HNRNPR: variants seen among roughly 807,000 people sequenced by gnomAD.
The protein encoded by HNRNPR is heterogeneous nuclear ribonucleoprotein R.
HNRNPR carries 4 observed loss-of-function variants against 70.3 expected under a neutral mutation model. That is an observed-to-expected ratio of 0.06 (90% confidence interval 0.03 to 0.13). The LOEUF is 0.13. HNRNPR is among the 10% of genes least tolerant of loss of function. The probability of loss-of-function intolerance (pLI) is 1.00; values close to 1 mark genes in which losing one functional copy is unlikely to be tolerated. For synonymous variants in HNRNPR, 241 were observed against 267.6 expected (o/e 0.90, Z 0.97); for missense variants, 423 against 788.5 (o/e 0.54, Z 5.55).
chr1:23,314,211 T>C (rs1467557623), intron 8 of HNRNPR, among the ~76,000 whole-genome samples: 3 of 152,110 alleles, frequency 2.0e-5, no homozygotes, highest in Non-Finnish European at 4.4e-5. Flanking sequence ...CCTTACACTA[T>C]ACACAAGGAT....
intron 8 of HNRNPR, among the ~76,000 whole-genome samples, chr1:23,317,383 A>G (rs1645586586): frequency 6.6e-6 from 1 of 151,788 alleles, no homozygotes; most frequent in African/African-American, 2.4e-5. Flanking sequence ...GCGTGAACCC[A>G]GGAGGCAGAG....
intron 5 of HNRNPR, among the ~76,000 whole-genome samples, chr1:23,326,379 T>G (rs538873953): frequency 1.3e-5 from 2 of 152,174 alleles, no homozygotes; most frequent in East Asian, 1.9e-4. Flanking sequence ...AAAAACATAC[T>G]GAGAAAAGCA....
intron 3 of HNRNPR, 71 bp from the exon 4 acceptor site, chr1:23,337,932 T>C (rs1646563621): frequency 2.2e-6 from 2 of 928,484 alleles, no homozygotes; most frequent in Non-Finnish European, 3.3e-6. Context: ...ATAATTAAAT[T>C]TAAATTTCAG....
intron 2 of HNRNPR, among the ~76,000 whole-genome samples, chr1:23,339,222 C>CA (rs1344209790): frequency 2.0e-5 from 3 of 152,238 alleles, no homozygotes; most frequent in Non-Finnish European, 4.4e-5. Flanking sequence ...TAAACTTCTA[C>CA]AAATGCAAGT....
chr1:23,331,778 G>C (rs1646235549), intron 5 of HNRNPR, among the ~76,000 whole-genome samples: 1 of 132,288 alleles, frequency 7.6e-6, no homozygotes, highest in South Asian at 2.7e-4. Flanking sequence ...TGAGGCTGCA[G>C]TGTGCTATGA....
chr1:23,330,883 A>G (rs1646193652), intron 5 of HNRNPR, among the ~76,000 whole-genome samples: 1 of 152,242 alleles, frequency 6.6e-6, no homozygotes, highest in East Asian at 1.9e-4. Context: ...GAAAGAACAT[A>G]TAAAAGAACA....
At chr1:23,326,443 G>A (rs575056767) in intron 5 of HNRNPR, among the ~76,000 whole-genome samples, 27 of 152,130 alleles carry the variant, frequency 1.8e-4, no homozygotes, top group African/African-American at 6.0e-4. Context: ...CCTCTAACTC[G>A]AGCTGTATAC....
intron 4 of HNRNPR, among the ~76,000 whole-genome samples, chr1:23,335,112 C>G (rs1203759681): frequency 8.6e-5 from 13 of 151,970 alleles, no homozygotes; most frequent in Non-Finnish European, 1.9e-4. Context: ...AGACAGGTGG[C>G]CTCACCGTTG....
intron 6 of HNRNPR, among the ~76,000 whole-genome samples, chr1:23,322,541 T>C (rs1645801399): frequency 6.6e-6 from 1 of 152,208 alleles, no homozygotes. Context: ...TGGCCAATTT[T>C]AGCTTCTTAT....
intron 10 of HNRNPR, 36 bp downstream of exon 10, chr1:23,311,165 T>C (rs113393082): frequency 1.9e-6 from 3 of 1,612,272 alleles, no homozygotes; most frequent in Non-Finnish European, 2.5e-6. Flanking sequence ...ACGTTATTCC[T>C]TGTCCAAAGA....
intron 5 of HNRNPR, among the ~76,000 whole-genome samples, chr1:23,330,917 A>C (rs1316068358): frequency 6.6e-6 from 1 of 152,228 alleles, no homozygotes; most frequent in South Asian, 2.1e-4. Context: ...ACAACATCAA[A>C]AATCACAATT....
At chr1:23,319,093 T>A (rs1207059371) in intron 7 of HNRNPR, among the ~76,000 whole-genome samples, 1 of 152,166 alleles carries the variant, frequency 6.6e-6, no homozygotes, top group Non-Finnish European at 1.5e-5. Context: ...AACTTAAAAG[T>A]TACTATTTTT....
At chr1:23,337,116 C>A (rs886885262) in intron 4 of HNRNPR, among the ~76,000 whole-genome samples, 14 of 152,246 alleles carry the variant, frequency 9.2e-5, no homozygotes, top group African/African-American at 2.6e-4. Flanking sequence ...CAAGTTATAA[C>A]CTTTTTATCA....
intron 8 of HNRNPR, 100 bp from the exon 9 acceptor site, chr1:23,313,802 A>ATT: frequency 7.7e-7 from 1 of 1,293,086 alleles, no homozygotes; most frequent in Non-Finnish European, 1.1e-6. Flanking sequence ...CCTCTAAAAC[A>ATT]TTAAGTGCTA....
chr1:23,313,424 G>C (rs937715771), intron 9 of HNRNPR, 129 bp downstream of exon 9: 8 of 653,508 alleles, frequency 1.2e-5, no homozygotes, highest in Non-Finnish European at 2.1e-5. Context: ...CCACTTTACA[G>C]AGATTAAATA....
chr1:23,328,080 G>C (rs2148417166), intron 5 of HNRNPR, among the ~76,000 whole-genome samples: 1 of 151,984 alleles, frequency 6.6e-6, no homozygotes, highest in South Asian at 2.1e-4. Flanking sequence ...AAGGCCATGA[G>C]ATGTGAGATG....
rs1413509599 is a variant in HNRNPR, at chr1:23,305,818, T to C, written c.*4636A>G. 1.3e-5 allele frequency: 2 copies of C among 152,226 alleles called. No homozygotes were observed. Among genetic ancestry groups the C allele is most frequent in the Non-Finnish European group, 2.9e-5 (2 of 68,028 alleles). 9.4% of individuals were successfully genotyped at this position (152,226 alleles called of 1,614,324 possible). On this transcript the variant is annotated 3_prime_UTR_variant, in exon 11 of 11. Coordinates refer to ENST00000302271, the MANE Select transcript of HNRNPR (RefSeq NM_005826.5). ...GTTTCTGCTATGTTCAAGGTCTTAA[T>C]ATTTCAGCTATGTAATTTCCTCTTG... is the stretch of plus-strand genomic sequence containing the variant.
chr1:23,343,876 G>A (rs1053787948), intron 1 of HNRNPR, among the ~76,000 whole-genome samples: 2 of 152,168 alleles, frequency 1.3e-5, no homozygotes, highest in African/African-American at 2.4e-5. Flanking sequence ...AGGGCCGCGG[G>A]CGCCTCAGGC....
intron 5 of HNRNPR, among the ~76,000 whole-genome samples, chr1:23,327,432 A>G (rs895012551): frequency 2.6e-5 from 4 of 152,216 alleles, no homozygotes; most frequent in African/African-American, 9.6e-5. Context: ...TCATGTGTGC[A>G]ATCCTAGCAC....
Sources: allele counts gnomAD v4.1 joint callset (sites outside exome capture counted in the v4.1 genomes callset), GRCh38; gene constraint gnomAD v4.1.1; transcripts MANE v1.5; gene names NCBI Gene and HGNC (gene_info 2026-07-23, HGNC 2026-07-21).